Variants in MORC3 observed in about 807,000 individuals in gnomAD.
MORC3 encodes MORC family CW-type zinc finger 3, also known as MORC family CW-type zinc finger protein 3.
MORC3 carries 31 observed loss-of-function variants against 109.1 expected under a neutral mutation model. The observed-to-expected ratio is 0.28, with a 90% CI of 0.21 to 0.38. The LOEUF (loss-of-function observed/expected upper bound fraction) is 0.38, where lower values mean the gene tolerates loss of function less well. MORC3 is among the 10% of genes least tolerant of loss of function. The pLI, the probability that MORC3 is intolerant of heterozygous loss-of-function variation, is 1.00. For synonymous variants in MORC3, 395 were observed against 380.7 expected, an observed-to-expected ratio of 1.04 and a Z score of -0.44; for missense variants, 867 against 1,135.8, an observed-to-expected ratio of 0.76 and a Z score of 3.40.
At chr21:36,361,889 AC>A in intron 12 of MORC3, 1 of 368,698 alleles carries the variant, frequency 2.7e-6, no homozygotes, top group Non-Finnish European at 4.9e-6. Flanking sequence ...AAAAGAAAAA[AC>A]CTATGTGATG....
In MORC3 at chr21:36,333,653, C is replaced by T; in HGVS notation, c.47C>T (p.Pro16Leu). 2.5e-6 allele frequency: 4 copies of T among 1,612,550 alleles called. No homozygotes were observed. Among genetic ancestry groups the T allele is most frequent in the Non-Finnish European group, 3.4e-6 (4 of 1,178,956 alleles). ...PRGIRLSALC[P>L]KFLHTNSTSH... ...ACCTTTTGTTTGTTTCAGCTTTGCC[C>T]GAAGTTTTTACATACAAATTCTACT... is the stretch of plus-strand genomic sequence containing the variant. The change falls in exon 2 of 17, where the codon CCG (proline) becomes CTG (leucine). Residue 16 changes from proline (P) to leucine (L), a missense_variant. By Grantham distance (98) the Pro-to-Leu change is moderately conservative. Around this residue, in one of 7 missense-constraint regions of MORC3, gnomAD observed 53 missense variants for 130.3 expected, o/e 0.41. Coordinates refer to ENST00000400485, the MANE Select transcript of MORC3 (RefSeq NM_015358.3).
chr21:36,371,451 A>G (rs903182927), intron 15 of MORC3, among the ~76,000 whole-genome samples: 3 of 152,238 alleles, frequency 2.0e-5, no homozygotes, highest in Admixed American at 6.5e-5. Flanking sequence ...CCTGCCTTAA[A>G]GTGCTCAGAA....
intron 9 of MORC3, among the ~76,000 whole-genome samples, chr21:36,355,943 G>A (rs879428006): frequency 4.6e-5 from 7 of 152,154 alleles, no homozygotes; most frequent in African/African-American, 1.4e-4. Flanking sequence ...GTGGCAGTTC[G>A]TGTGGGTCCT....
rs75384198 is a variant in MORC3, at chr21:36,327,675, T to A, written c.40-5971T>A. On this transcript the variant is annotated intron_variant, in intron 1 of 16. Transcript: ENST00000400485. ...TGTAAAACAACAAAATGGAGGGAAC[T>A]TATTATCTGTCATACCAGTTGATGA... Among the ~76,000 whole-genome samples the A allele has an allele frequency of 4.7e-4, 71 of 151,394 alleles. 4 individuals are homozygous for A. Among genetic ancestry groups the A allele is most frequent in the Middle Eastern group, 3.4e-3 (1 of 294 alleles).
intron 14 of MORC3, 41 bp downstream of exon 14, chr21:36,364,300 A>G: frequency 6.3e-7 from 1 of 1,588,410 alleles, no homozygotes. Flanking sequence ...GGAATATTAA[A>G]CAGAGCTTTT....
chr21:36,344,914 T>C lies in MORC3; in HGVS notation c.888T>C (p.Ser296=). The C allele has an allele frequency of 6.2e-7, 1 of 1,610,516 alleles. No homozygotes were observed. Among genetic ancestry groups the C allele is most frequent in the Non-Finnish European group, 8.5e-7 (1 of 1,179,074 alleles). The part of the protein sequence containing the change: ...ERDVYRPKFL[S]KTVRITFGFN... ...AAAATTTACCTTAATATTTTAAGTC[T>C]AAAACAGTGAGAATTACCTTTGGAT... The change falls in exon 8 of 17, where the codon TCT becomes TCC. Residue 296 remains serine, a splice_region_variant and synonymous_variant. Coordinates refer to ENST00000400485, the MANE Select transcript of MORC3 (RefSeq NM_015358.3).
intron 1 of MORC3, among the ~76,000 whole-genome samples, chr21:36,330,706 A>G (rs1183505650): frequency 1.3e-5 from 2 of 152,204 alleles, no homozygotes; most frequent in Non-Finnish European, 1.5e-5. Flanking sequence ...GCCATGTCCC[A>G]TGGTTAAGAT....
Position 36,320,238 on chromosome 21 carries a change from C to T in MORC3, c.-27C>T, listed in dbSNP as rs202111693. On this transcript the variant is annotated 5_prime_UTR_variant, in exon 1 of 17. Transcript: ENST00000400485. ...CTCCCAGTCGGGTTGCGGCGGAGGC[C>T]GTTCCTGGCTTTGTAGCTCGCTCAA... 3.8e-5 allele frequency: 60 copies of T among 1,575,588 alleles called. No homozygotes were observed. The highest frequency in any genetic ancestry group is 6.9e-5 in the South Asian group (6 of 86,510).
intron 6 of MORC3, among the ~76,000 whole-genome samples, chr21:36,343,384 G>A (rs545294755): frequency 4.8e-5 from 7 of 145,966 alleles, no homozygotes; most frequent in South Asian, 2.2e-4. Flanking sequence ...GTGAACCACC[G>A]TGCCCGGCCA....
intron 13 of MORC3, among the ~76,000 whole-genome samples, 188 bp downstream of exon 13, chr21:36,362,416 A>G (rs986680331): frequency 7.3e-5 from 11 of 151,482 alleles, no homozygotes; most frequent in South Asian, 2.1e-4. Context: ...GGTGGCACAT[A>G]CCTGTAATCC....
At chr21:36,338,062 C>T in intron 4 of MORC3, 116 bp downstream of exon 4, 2 of 1,039,370 alleles carry the variant, frequency 1.9e-6, no homozygotes, top group Non-Finnish European at 2.8e-6. Flanking sequence ...TATTCCATTT[C>T]TTACCTCTGT....
At chr21:36,349,787 G>C (rs1156710506) in intron 9 of MORC3, among the ~76,000 whole-genome samples, 1 of 152,224 alleles carries the variant, frequency 6.6e-6, no homozygotes, top group Non-Finnish European at 1.5e-5. Flanking sequence ...GCCTATAGAC[G>C]TGGTCTCTGG....
rs747465236 is a variant in MORC3, at chr21:36,320,303, G to A, written c.39G>A (p.Ala13=). 3 of 1,553,424 alleles carry A rather than the reference G, an allele frequency of 1.9e-6. No individual in the cohort carries two copies. The highest frequency in any genetic ancestry group is 2.5e-5 in the East Asian group (1 of 39,810). Residue 13 remains alanine, a splice_region_variant and synonymous_variant, in exon 1 of 17, where the codon GCG becomes GCA. Transcript: ENST00000400485. ...AQPPRGIRLS[A]LCPKFLHTNS... ...CACCCCGCGGGATACGCCTCAGCGCGGTGAGCAGCCGCGAGGGGTGGAGCG... is the reference window on the plus strand; with the variant it reads ...CACCCCGCGGGATACGCCTCAGCGCAGTGAGCAGCCGCGAGGGGTGGAGCG...
chr21:36,369,112 G>A lies in MORC3; in HGVS notation c.1744G>A (p.Glu582Lys). ...DDDEDVIILE[E>K]NSTPKPAVDH... ...TGATGAAGATGTCATCATCTTAGAAGAAAACAGTACCCCCAAACCTGCAGT... is the reference window on the plus strand; with the variant it reads ...TGATGAAGATGTCATCATCTTAGAAAAAAACAGTACCCCCAAACCTGCAGT... Residue 582 changes from glutamate to lysine, a missense_variant, in exon 15 of 17, where the codon GAA becomes AAA. By Grantham distance (56) the Glu-to-Lys change is moderately conservative. Around this residue, in one of 7 missense-constraint regions of MORC3, gnomAD observed 486 missense variants for 502.1 expected, o/e 0.97. Coordinates refer to ENST00000400485, the MANE Select transcript of MORC3 (RefSeq NM_015358.3). 2 of 1,614,016 alleles carry A rather than the reference G, an allele frequency of 1.2e-6. No homozygotes were observed. The highest frequency in any genetic ancestry group is 8.5e-7 in the Non-Finnish European group (1 of 1,180,008).
intron 3 of MORC3, 49 bp downstream of exon 3, chr21:36,337,055 G>T (rs1314778458): frequency 6.3e-7 from 1 of 1,588,216 alleles, no homozygotes; most frequent in Admixed American, 1.8e-5. Context: ...TTTACCTAAA[G>T]GGTTTTCCAT....
intron 1 of MORC3, among the ~76,000 whole-genome samples, chr21:36,327,086 G>T (rs1358166030): frequency 6.7e-6 from 1 of 150,050 alleles, no homozygotes. Context: ...AAGTGCGGGG[G>T]TTACAGCAGG....
intron 5 of MORC3, 123 bp from the exon 6 acceptor site, chr21:36,341,276 C>A (rs1052547161): frequency 8.1e-6 from 7 of 865,714 alleles, no homozygotes; most frequent in Non-Finnish European, 1.2e-5. Context: ...CCCCCAACCC[C>A]CCACTGACGT....
intron 1 of MORC3, among the ~76,000 whole-genome samples, chr21:36,323,315 T>C (rs1180439626): frequency 6.6e-6 from 1 of 152,236 alleles, no homozygotes. Flanking sequence ...TGTATGTCCT[T>C]GGCCAAGTCA....
In MORC3 at chr21:36,376,554, G is replaced by A. The variant is rs1024917008; in HGVS notation, c.*1258G>A. 3 of 152,090 alleles carry A rather than the reference G, an allele frequency of 2.0e-5. No homozygotes were observed. The highest frequency in any genetic ancestry group is 4.4e-5 in the Non-Finnish European group (3 of 67,992). 9.4% of individuals were successfully genotyped at this position (152,090 alleles called of 1,614,324 possible). On this transcript the variant is annotated 3_prime_UTR_variant, in exon 17 of 17. Transcript: ENST00000400485. ...GTAATTGAAAGTGTATTTTTGGTAT[G>A]AAGCTGGTTTTCTGTCACAATTGTA...
Sources: allele counts gnomAD v4.1 joint callset (sites outside exome capture counted in the v4.1 genomes callset), GRCh38; gene constraint gnomAD v4.1.1; regional missense constraint gnomAD v4.1.1; transcripts MANE v1.5; gene names NCBI Gene and HGNC (gene_info 2026-07-23, HGNC 2026-07-21).